Variants in PSD3 observed in about 807,000 individuals in gnomAD.
PSD3 encodes pleckstrin and Sec7 domain containing 3.
Under a neutral mutation model 105.5 loss-of-function variants are expected in PSD3, and 49 were observed. The observed-to-expected ratio is 0.46, with a 90% CI of 0.37 to 0.59. The LOEUF (loss-of-function observed/expected upper bound fraction) is 0.59, where lower values mean the gene tolerates loss of function less well. PSD3 is among the 20% of genes least tolerant of loss of function. The pLI is 0.00. For missense variants in PSD3, 1,561 were observed against 1,263.8 expected (o/e 1.24, Z -3.57); for synonymous variants, 557 against 457.8 (o/e 1.22, Z -2.77).
intron 11 of PSD3, among the ~76,000 whole-genome samples, chr8:18,601,212 T>C (rs1804416158): frequency 1.3e-5 from 2 of 152,254 alleles, no homozygotes; most frequent in African/African-American, 4.8e-5. Context: ...TACTGACTTG[T>C]ATAAACTCTT....
chr8:18,810,294 A>G (rs1563298628), intron 4 of PSD3, among the ~76,000 whole-genome samples: 2 of 152,196 alleles, frequency 1.3e-5, no homozygotes, highest in Non-Finnish European at 2.9e-5. Context: ...GCAAGAACAC[A>G]GCCATCTGCC....
chr8:18,812,313 G>A (rs1049961554), intron 4 of PSD3, among the ~76,000 whole-genome samples: 4 of 152,176 alleles, frequency 2.6e-5, no homozygotes, highest in African/African-American at 9.7e-5. Context: ...CTGCAGAGTT[G>A]GGGAACGACT....
intron 1 of PSD3, among the ~76,000 whole-genome samples, chr8:19,074,565 G>T (rs2129478071): frequency 7.7e-6 from 1 of 129,474 alleles, no homozygotes; most frequent in South Asian, 2.6e-4. Flanking sequence ...TTGAATAAAA[G>T]GTATAATTTT....
intron 2 of PSD3, among the ~76,000 whole-genome samples, chr8:18,916,315 T>G (rs1378746100): frequency 3.5e-5 from 1 of 28,418 alleles, no homozygotes; most frequent in African/African-American, 2.0e-4. Flanking sequence ...TATATATATA[T>G]ATATATATAT....
At chr8:19,078,003 T>C (rs539579992) in intron 1 of PSD3, among the ~76,000 whole-genome samples, 122 of 14,690 alleles carry the variant, frequency 8.3e-3, no homozygotes, top group Non-Finnish European at 9.0e-3. Flanking sequence ...TCTCATTGTA[T>C]CCTATAGTCT....
At chr8:19,049,300 C>T (rs753105874) in intron 1 of PSD3, among the ~76,000 whole-genome samples, 1 of 152,166 alleles carries the variant, frequency 6.6e-6, no homozygotes, top group East Asian at 1.9e-4. Flanking sequence ...TAGTCCTACA[C>T]ACAAGGAAGA....
At chr8:18,646,757 A>C in intron 10 of PSD3, among the ~76,000 whole-genome samples, 1 of 152,200 alleles carries the variant, frequency 6.6e-6, no homozygotes, top group African/African-American at 2.4e-5. Context: ...CTGAGATTAC[A>C]TTTTAATTAA....
At position 19,051,212 on chromosome 8, in the gene PSD3, G is replaced by C. The variant is rs78581585; in HGVS notation, c.324+32994C>G. On this transcript the variant is annotated intron_variant, in intron 1 of 1. Coordinates refer to the PSD3 transcript ENST00000521475. ...GACCCTCCTCCCTCTGGTCCCAATCGGGGGATGCTCATTCCTTCCCATCTT... is the reference window on the plus strand; with the variant it reads ...GACCCTCCTCCCTCTGGTCCCAATCCGGGGATGCTCATTCCTTCCCATCTT... Among the ~76,000 whole-genome samples the C allele has an allele frequency of 6.6e-4, 100 of 152,128 alleles. 1 individual carries two copies. The highest frequency in any genetic ancestry group is 2.3e-3 in the African/African-American group (97 of 41,520).
At chr8:18,536,577 G>A (rs1302153319) in intron 15 of PSD3, among the ~76,000 whole-genome samples, 3 of 152,216 alleles carry the variant, frequency 2.0e-5, no homozygotes, top group African/African-American at 7.2e-5. Context: ...ATGAACAGGT[G>A]CTGCTATGAA....
intron 2 of PSD3, chr8:18,924,937 T>C (rs1187327880): frequency 6.6e-6 from 1 of 152,164 alleles, no homozygotes; most frequent in Non-Finnish European, 1.5e-5. Flanking sequence ...AGACATGACA[T>C]GGGAAGTACA....
At chr8:18,915,629 G>A (rs947323334) in intron 2 of PSD3, among the ~76,000 whole-genome samples, 3 of 152,116 alleles carry the variant, frequency 2.0e-5, no homozygotes, top group African/African-American at 7.2e-5. Flanking sequence ...TTAAAATGCT[G>A]AATGTCACTA....
chr8:18,998,161 G>A (rs1036527634), intron 1 of PSD3, among the ~76,000 whole-genome samples: 3 of 151,890 alleles, frequency 2.0e-5, no homozygotes, highest in African/African-American at 4.8e-5. Context: ...ATTACAGTAC[G>A]CCCTGTAGCC....
At chr8:18,616,648 G>C (rs1411996902) in intron 11 of PSD3, among the ~76,000 whole-genome samples, 3 of 55,536 alleles carry the variant, frequency 5.4e-5, no homozygotes, top group African/African-American at 1.7e-4. Flanking sequence ...TTTTGAGACG[G>C]AGTCTCGCTC....
rs575108146 is a variant in PSD3, at chr8:18,859,748, TCACC to T, written c.1634+7922_1634+7925del. Among the ~76,000 whole-genome samples, 317 of 152,368 alleles carry T rather than the reference TCACC, an allele frequency of 2.1e-3. 1 individual carries two copies. The highest frequency in any genetic ancestry group is 7.2e-3 in the African/African-American group (299 of 41,584). On this transcript the variant is annotated intron_variant, in intron 4 of 15. Coordinates refer to ENST00000327040, the MANE Select transcript of PSD3 (RefSeq NM_015310.4). ...TTCCAGCTTTTTGGCTGCAGCTCCC[TCACC>T]TGTCTCAGCTTTCAGAGAATTGAAG...
chr8:18,901,620 T>C (rs1819508199), intron 2 of PSD3, among the ~76,000 whole-genome samples: 1 of 152,172 alleles, frequency 6.6e-6, no homozygotes, highest in Non-Finnish European at 1.5e-5. Flanking sequence ...GCTCCACCAG[T>C]GAGTTTTATA....
intron 9 of PSD3, among the ~76,000 whole-genome samples, chr8:18,702,573 G>A (rs898869930): frequency 1.3e-5 from 2 of 151,968 alleles, no homozygotes; most frequent in East Asian, 3.9e-4. Flanking sequence ...TGTGGTGGGA[G>A]CATTACAATT....
At chr8:18,838,843 AT>A (rs1814374319) in intron 4 of PSD3, among the ~76,000 whole-genome samples, 11 of 144,880 alleles carry the variant, frequency 7.6e-5, no homozygotes, top group African/African-American at 2.8e-4. Flanking sequence ...AATAATAATA[AT>A]AATAATGTTC....
rs574935277 is a variant in PSD3, at chr8:18,882,071, G to A, written c.131-9338C>T. Among the ~76,000 whole-genome samples the A allele has an allele frequency of 1.3e-3, 199 of 152,156 alleles. 2 individuals are homozygous for A. The highest frequency in any genetic ancestry group is 6.8e-3 in the Middle Eastern group (2 of 294). On this transcript the variant is annotated intron_variant, in intron 2 of 15. Transcript: ENST00000327040. ...AAAATTTAAAAACTTAGCCAGGTGT[G>A]GTGGTGTGTGCCTGTGCTCCCAGCT...
intron 8 of PSD3, among the ~76,000 whole-genome samples, chr8:18,797,328 A>G (rs118133060): frequency 0.023 from 3,531 of 152,280 alleles, 70 homozygotes; most frequent in Non-Finnish European, 0.039. Flanking sequence ...CTCTTCTATC[A>G]GTAATTTTGC....
Sources: gnomAD v4.1 joint callset for allele counts (sites outside exome capture counted in the v4.1 genomes callset) on GRCh38, gnomAD v4.1.1 for gene constraint, MANE v1.5 for transcripts, NCBI Gene and HGNC (gene_info 2026-07-23, HGNC 2026-07-21) for gene names.